ANKRD12: variants seen among roughly 807,000 people sequenced by gnomAD.
ANKRD12 encodes ankyrin repeat domain 12.
In ANKRD12, 85 loss-of-function variants were observed where a neutral mutation model predicts 183.4. The observed-to-expected ratio is 0.46, with a 90% CI of 0.39 to 0.56. The LOEUF (loss-of-function observed/expected upper bound fraction) is 0.56. ANKRD12 is among the 20% of genes least tolerant of loss of function. ANKRD12 has a pLI of 0.00. For synonymous variants in ANKRD12, 914 were observed against 800.2 expected, an observed-to-expected ratio of 1.14 and a Z score of -2.40; for missense variants, 2,405 against 2,357.1, an observed-to-expected ratio of 1.02 and a Z score of -0.42.
rs139559099 is a variant in ANKRD12, at chr18:9,258,210, G to A, written c.4943G>A (p.Cys1648Tyr). The change falls in exon 9 of 13, where the codon TGT (cysteine) becomes TAT (tyrosine). Residue 1648 changes from cysteine to tyrosine, a missense_variant. This residue lies in a region of ANKRD12 where 1,983 missense variants were observed against 1,725.9 expected (regional missense o/e 1.15). Coordinates refer to ENST00000262126, the MANE Select transcript of ANKRD12 (RefSeq NM_015208.5). ...TTGGTTTTAACTCATTTGAGTAGGT[G>A]TGATTCTGATTTATGTGAAATGAAT... is the stretch of plus-strand genomic sequence containing the variant. ...ESLVLTHLSR[C>Y]DSDLCEMNAG... The A allele has an allele frequency of 5.8e-5, 94 of 1,613,888 alleles. No homozygotes were observed. The African/African-American group carries it at 1.2e-3, about 20-fold the overall frequency.
At chr18:9,147,635 G>C (rs1008231448) in intron 1 of ANKRD12, among the ~76,000 whole-genome samples, 2 of 152,146 alleles carry the variant, frequency 1.3e-5, no homozygotes, top group African/African-American at 4.8e-5. Flanking sequence ...ATATAGTAGT[G>C]AGAGCAGTGT....
intron 8 of ANKRD12, among the ~76,000 whole-genome samples, chr18:9,230,833 ATT>A (rs879726894): frequency 7.1e-6 from 1 of 140,008 alleles, no homozygotes; most frequent in Non-Finnish European, 1.6e-5. Flanking sequence ...TAATTTTTGT[ATT>A]TTTTTTTTTT....
intron 3 of ANKRD12, among the ~76,000 whole-genome samples, chr18:9,196,910 G>GA (rs2034866027): frequency 6.6e-6 from 1 of 152,010 alleles, no homozygotes; most frequent in African/African-American, 2.4e-5. Flanking sequence ...GCTTACCTGA[G>GA]AAGAGGGTGC....
intron 8 of ANKRD12, among the ~76,000 whole-genome samples, chr18:9,227,917 T>C (rs1442578752): frequency 6.6e-6 from 1 of 152,198 alleles, no homozygotes; most frequent in African/African-American, 2.4e-5. Flanking sequence ...TCTAACCCTA[T>C]GTTTGTATCC....
intron 1 of ANKRD12, among the ~76,000 whole-genome samples, chr18:9,176,561 G>C (rs898727366): frequency 6.6e-6 from 1 of 152,016 alleles, no homozygotes; most frequent in Non-Finnish European, 1.5e-5. Flanking sequence ...AAAGTGCTGG[G>C]ATTACCAGTG....
At chr18:9,212,870 A>C (rs2035886230) in intron 6 of ANKRD12, among the ~76,000 whole-genome samples, 1 of 151,926 alleles carries the variant, frequency 6.6e-6, no homozygotes, top group African/African-American at 2.4e-5. Flanking sequence ...TATGTTTATT[A>C]TAAACTTATG....
chr18:9,244,057 C>A (rs1598669130), intron 8 of ANKRD12, among the ~76,000 whole-genome samples: 1 of 152,282 alleles, frequency 6.6e-6, no homozygotes, highest in East Asian at 1.9e-4. Context: ...TCACTGGAAC[C>A]TGGGAGGCGG....
chr18:9,258,144 C>G lies in ANKRD12; in HGVS notation c.4877C>G (p.Thr1626Ser). 1 of 1,613,730 alleles carries G rather than the reference C, an allele frequency of 6.2e-7. No homozygotes were observed. The highest frequency in any genetic ancestry group is 1.1e-5 in the South Asian group (1 of 91,072). ...GHEVENSTTDTQVISHEKENK... is the reference protein window; with the variant it reads ...GHEVENSTTDSQVISHEKENK... ...GAAGTTGAGAATAGCACAACTGATA[C>G]TCAGGTCATTTCACATGAAAAAGAA... is the stretch of plus-strand genomic sequence containing the variant. Residue 1626 changes from threonine (T) to serine (S), a missense_variant, in exon 9 of 13, where the codon ACT (threonine) becomes AGT (serine). Physicochemically the swap from Thr to Ser is moderately conservative, Grantham distance 58. Transcript: ENST00000262126.
At chr18:9,227,944 C>T (rs1029827833) in intron 8 of ANKRD12, among the ~76,000 whole-genome samples, 19 of 152,114 alleles carry the variant, frequency 1.2e-4, no homozygotes, top group African/African-American at 4.1e-4. Context: ...ATTGCTTCCC[C>T]ACTCTCCCCC....
At chr18:9,197,005 A>G (rs1048778504) in intron 3 of ANKRD12, among the ~76,000 whole-genome samples, 24 of 152,300 alleles carry the variant, frequency 1.6e-4, no homozygotes, top group African/African-American at 5.8e-4. Context: ...TTTAAATTAC[A>G]TTACTCGGGT....
Position 9,254,195 on chromosome 18 carries a change from C to T in ANKRD12, c.944-16C>T. On this transcript the variant is annotated splice_polypyrimidine_tract_variant and intron_variant, in intron 8 of 12. Coordinates refer to ENST00000262126, the MANE Select transcript of ANKRD12 (RefSeq NM_015208.5). Reference sequence around the variant, plus strand: ...TTTTGTTTGACCCACACCACATTTTCTTTTTTTTATTCTAGATTCCGAAGA... The same window carrying T: ...TTTTGTTTGACCCACACCACATTTTTTTTTTTTTATTCTAGATTCCGAAGA... The T allele has an allele frequency of 6.8e-7, 1 of 1,476,716 alleles. No homozygotes were observed. Among genetic ancestry groups the T allele is most frequent in the South Asian group, 1.5e-5 (1 of 67,106 alleles). The allele number at this position is 1,476,716 out of a possible 1,614,324, so 91.5% of individuals were successfully genotyped here. A position where few individuals can be genotyped will look rare whatever the true frequency, so the allele number is the denominator to read the frequency against.
chr18:9,221,194 G>T (rs2036400743), intron 7 of ANKRD12, among the ~76,000 whole-genome samples: 1 of 152,162 alleles, frequency 6.6e-6, no homozygotes, highest in African/African-American at 2.4e-5. Context: ...GAAAAAACAA[G>T]TAATAACTAA....
At chr18:9,137,803 T>G (rs756400666) in intron 1 of ANKRD12, 1 of 152,190 alleles carries the variant, frequency 6.6e-6, no homozygotes, top group Non-Finnish European at 1.5e-5. Flanking sequence ...TTAGATCTCG[T>G]TTTGAGGAGT....
At position 9,284,230 on chromosome 18, in the gene ANKRD12, T is replaced by C. The variant is rs1207265005; in HGVS notation, c.*3104T>C. ...AAACGCCAATATGTACAAAGCACAATAAAGCAAAGCACAATAGAACAGGAT... is the reference window on the plus strand; with the variant it reads ...AAACGCCAATATGTACAAAGCACAACAAAGCAAAGCACAATAGAACAGGAT... On this transcript the variant is annotated 3_prime_UTR_variant, in exon 13 of 13. Transcript: ENST00000262126. The C allele has an allele frequency of 6.6e-6, 1 of 152,066 alleles. No individual in the cohort carries two copies. The highest frequency in any genetic ancestry group is 1.5e-5 in the Non-Finnish European group (1 of 68,016). The allele number at this position is 152,066 out of a possible 1,614,324, so 9.4% of individuals were successfully genotyped here.
intron 8 of ANKRD12, among the ~76,000 whole-genome samples, chr18:9,248,007 G>A (rs774004162): frequency 3.3e-5 from 5 of 152,080 alleles, no homozygotes; most frequent in Admixed American, 2.0e-4. Flanking sequence ...GGCTGGTCTC[G>A]GAACTTCTGA....
intron 2 of ANKRD12, among the ~76,000 whole-genome samples, chr18:9,195,057 C>T (rs578117492): frequency 6.6e-6 from 1 of 152,236 alleles, no homozygotes; most frequent in Admixed American, 6.5e-5. Flanking sequence ...AGCTGGAGGC[C>T]ATAATCCTAA....
chr18:9,137,759 T>G (rs952146235), intron 1 of ANKRD12: 9 of 152,322 alleles, frequency 5.9e-5, no homozygotes, highest in African/African-American at 2.2e-4. Context: ...TACCCACTTG[T>G]GATGCTTCAA....
intron 8 of ANKRD12, among the ~76,000 whole-genome samples, chr18:9,242,740 T>G (rs1399447858): frequency 2.6e-5 from 4 of 152,194 alleles, no homozygotes; most frequent in Admixed American, 2.0e-4. Flanking sequence ...CAGAGTGATG[T>G]GGTACTTGAT....
chr18:9,196,905 C>G (rs541636555), intron 3 of ANKRD12, among the ~76,000 whole-genome samples: 131 of 152,104 alleles, frequency 8.6e-4, no homozygotes, highest in Non-Finnish European at 1.4e-3. Flanking sequence ...GGATCGCTTA[C>G]CTGAGAAGAG....
Sources: gnomAD v4.1 joint callset for allele counts (sites outside exome capture counted in the v4.1 genomes callset) on GRCh38, gnomAD v4.1.1 for gene constraint, gnomAD v4.1.1 regional missense constraint, MANE v1.5 for transcripts, NCBI Gene and HGNC (gene_info 2026-07-23, HGNC 2026-07-21) for gene names.